The following KIRREL3 variants were observed in gnomAD, a reference collection of about 807,000 sequenced individuals.
The protein encoded by KIRREL3 is kin of IRRE-like protein 3.
A neutral mutation model predicts 89.7 loss-of-function variants in KIRREL3; 36 were observed. That is an observed-to-expected ratio of 0.40 (90% CI 0.31 to 0.53). The LOEUF (loss-of-function observed/expected upper bound fraction) is 0.53. Among genes scored for constraint, KIRREL3 ranks in the 20% least tolerant of loss-of-function variants. The pLI, the probability that KIRREL3 is intolerant of heterozygous loss-of-function variation, is 0.49. For synonymous variants in KIRREL3, 445 were observed against 441.4 expected, an observed-to-expected ratio of 1.01 and a Z score of -0.10; for missense variants, 864 against 1,056.6, an observed-to-expected ratio of 0.82 and a Z score of 2.53.
chr11:126,670,951 A>G (rs534212272), intron 1 of KIRREL3, among the ~76,000 whole-genome samples: 1 of 152,336 alleles, frequency 6.6e-6, no homozygotes, highest in African/African-American at 2.4e-5. Context: ...ACAGTAATCA[A>G]GACAGTATAA....
intron 1 of KIRREL3, among the ~76,000 whole-genome samples, chr11:126,968,896 C>T (rs146140607): frequency 6.6e-6 from 1 of 152,284 alleles, no homozygotes; most frequent in East Asian, 1.9e-4. Flanking sequence ...GACTGTACCT[C>T]TCTGAGACTC....
chr11:126,932,797 C>T (rs1369848325), intron 1 of KIRREL3, among the ~76,000 whole-genome samples: 2 of 152,360 alleles, frequency 1.3e-5, no homozygotes, highest in African/African-American at 2.4e-5. Context: ...TGAGATTTCA[C>T]CTCCTGGCCA....
intron 1 of KIRREL3, among the ~76,000 whole-genome samples, chr11:126,716,179 A>G (rs1207422219): frequency 6.6e-6 from 1 of 151,936 alleles, no homozygotes; most frequent in African/African-American, 2.4e-5. Flanking sequence ...GTAAGGTTAG[A>G]ATAAAGATTT....
intron 1 of KIRREL3, among the ~76,000 whole-genome samples, chr11:126,757,843 C>T (rs1260168204): frequency 6.6e-6 from 1 of 152,190 alleles, no homozygotes; most frequent in Non-Finnish European, 1.5e-5. Context: ...TCTGAAGACT[C>T]AGTTTCCCCA....
intron 1 of KIRREL3, among the ~76,000 whole-genome samples, chr11:126,858,348 C>G (rs1295224887): frequency 1.3e-5 from 2 of 152,282 alleles, no homozygotes; most frequent in South Asian, 4.1e-4. Flanking sequence ...CTTCTTAATA[C>G]ACTAAAGATC....
intron 1 of KIRREL3, among the ~76,000 whole-genome samples, chr11:126,928,057 G>A (rs780611118): frequency 4.3e-4 from 65 of 152,336 alleles, no homozygotes; most frequent in Admixed American, 6.5e-4. Context: ...CCAAGATGGC[G>A]TCTCACAAGG....
Position 126,686,507 on chromosome 11 carries a change from C to T in KIRREL3, c.56-123595G>A, listed in dbSNP as rs1946670880. 6.6e-6 allele frequency among the ~76,000 whole-genome samples: 1 copy of T among 151,188 alleles called. No homozygotes were observed. Among genetic ancestry groups the T allele is most frequent in the African/African-American group, 2.4e-5 (1 of 41,292 alleles). Reference sequence around the variant, plus strand: ...ATGTTCTGATAGGGTCAGTGCTGGCCACTGAGCGGGGAGGGTGGGGAGGGA... The same window carrying T: ...ATGTTCTGATAGGGTCAGTGCTGGCTACTGAGCGGGGAGGGTGGGGAGGGA... On this transcript the variant is annotated intron_variant, in intron 1 of 16. Coordinates refer to ENST00000525144, the MANE Select transcript of KIRREL3 (RefSeq NM_032531.4). The surrounding 1 kb of genome is among the most constrained non-coding windows in gnomAD (Gnocchi z 4.7).
rs1205212495 is a variant in KIRREL3 at position 126,428,554 on chromosome 11, A to G, written c.1806+625T>C. Among the ~76,000 whole-genome samples, 1 of 151,908 alleles carries G rather than the reference A, an allele frequency of 6.6e-6. No individual in the cohort carries two copies. The highest frequency in any genetic ancestry group is 1.9e-4 in the East Asian group (1 of 5,176). ...GTGTGTGTGCGGGGGAGGGGAGGGG[A>G]TTATATGTTATATAACAACATATTG... On this transcript the variant is annotated intron_variant, in intron 15 of 16. Transcript: ENST00000525144. The surrounding 1 kb of genome is among the most constrained non-coding windows in gnomAD (Gnocchi z 6.4).
At chr11:126,964,581 C>T (rs1385942125) in intron 1 of KIRREL3, among the ~76,000 whole-genome samples, 1 of 152,124 alleles carries the variant, frequency 6.6e-6, no homozygotes, top group Non-Finnish European at 1.5e-5. Flanking sequence ...TGCACAAATG[C>T]CCAGGGGTAC....
rs1282662696 is a variant in KIRREL3 at position 126,565,876 on chromosome 11, A to G, written c.56-2964T>C. 1.3e-5 allele frequency among the ~76,000 whole-genome samples: 2 copies of G among 152,096 alleles called. No homozygotes were observed. Among genetic ancestry groups the G allele is most frequent in the Non-Finnish European group, 2.9e-5 (2 of 68,014 alleles). On this transcript the variant is annotated intron_variant, in intron 1 of 16. Transcript: ENST00000525144. The surrounding 1 kb of genome is among the most constrained non-coding windows in gnomAD (Gnocchi z 5.4). ...GCTTTGGCTTGGGGAGACTCTACCA[A>G]GCCAAACTAACTAGGTTATTAGGAG...
At position 126,768,165 on chromosome 11, in the gene KIRREL3, C is replaced by G. The variant is rs1565715322; in HGVS notation, c.56-205253G>C. ...CCATCCATCCATCCATCCATCCATC[C>G]ATCCAATCCATCCATCCATCCATCC... On this transcript the variant is annotated intron_variant, in intron 1 of 16. Coordinates refer to ENST00000525144, the MANE Select transcript of KIRREL3 (RefSeq NM_032531.4). This position sits in a 1 kb window ranked among gnomAD's most constrained non-coding sequence, Gnocchi z 4.5. 8.0e-6 allele frequency among the ~76,000 whole-genome samples: 1 copy of G among 124,734 alleles called. No homozygotes were observed. The highest frequency in any genetic ancestry group is 1.6e-5 in the Non-Finnish European group (1 of 62,224). The allele number at this position is 124,734 out of a possible 152,430, so 81.8% of individuals were successfully genotyped here.
rs765896489 is a variant in KIRREL3, at chr11:126,719,443, C to T, written c.56-156531G>A. 5.3e-5 allele frequency among the ~76,000 whole-genome samples: 8 copies of T among 152,208 alleles called. No individual in the cohort carries two copies. Among genetic ancestry groups the T allele is most frequent in the Non-Finnish European group, 7.3e-5 (5 of 68,032 alleles). Reference sequence around the variant, plus strand: ...AATGTTGGAGGACCTCAGGGCTTCTCCGAGCTGTCTACATTCACTGCCTAG... The same window carrying T: ...AATGTTGGAGGACCTCAGGGCTTCTTCGAGCTGTCTACATTCACTGCCTAG... On this transcript the variant is annotated intron_variant, in intron 1 of 16. Coordinates refer to ENST00000525144, the MANE Select transcript of KIRREL3 (RefSeq NM_032531.4). The surrounding 1 kb of genome is among the most constrained non-coding windows in gnomAD (Gnocchi z 4.7).
At chr11:126,944,074 G>C (rs1325822692) in intron 1 of KIRREL3, among the ~76,000 whole-genome samples, 1 of 152,118 alleles carries the variant, frequency 6.6e-6, no homozygotes, top group Non-Finnish European at 1.5e-5. Context: ...CCTTATCTCT[G>C]AAGATACCAG....
At chr11:126,858,978 C>T (rs1006917779) in intron 1 of KIRREL3, among the ~76,000 whole-genome samples, 5 of 152,122 alleles carry the variant, frequency 3.3e-5, no homozygotes, top group African/African-American at 4.8e-5. Flanking sequence ...AAGTGGCAGC[C>T]GCTGAGGGAT....
intron 1 of KIRREL3, among the ~76,000 whole-genome samples, chr11:126,679,399 G>A (rs1449211541): frequency 6.6e-6 from 1 of 152,198 alleles, no homozygotes; most frequent in Non-Finnish European, 1.5e-5. Context: ...AGCAGCATAT[G>A]CGTGTCCTTT....
chr11:126,532,121 C>A (rs532134950), intron 2 of KIRREL3, among the ~76,000 whole-genome samples: 1 of 152,180 alleles, frequency 6.6e-6, no homozygotes, highest in Non-Finnish European at 1.5e-5. Flanking sequence ...TTGTTTCTGG[C>A]ATGCAGATTA....
At chr11:126,588,126 AT>A (rs1941957378) in intron 1 of KIRREL3, among the ~76,000 whole-genome samples, 1 of 152,184 alleles carries the variant, frequency 6.6e-6, no homozygotes, top group Non-Finnish European at 1.5e-5. Flanking sequence ...AATGGGCTTT[AT>A]TGTTCCCCGG....
chr11:126,454,868 G>A lies in KIRREL3; in HGVS notation c.848+1481C>T, dbSNP rs1018194478. On this transcript the variant is annotated intron_variant, in intron 7 of 16. Coordinates refer to ENST00000525144, the MANE Select transcript of KIRREL3 (RefSeq NM_032531.4). The surrounding 1 kb of genome is among the most constrained non-coding windows in gnomAD (Gnocchi z 5.8). ...AATGGTTAAACTGGACAGGACAAAT[G>A]GGTTTCATCCTATTTAAAAATATCC... 6.6e-6 allele frequency among the ~76,000 whole-genome samples: 1 copy of A among 152,156 alleles called. No homozygotes were observed. Among genetic ancestry groups the A allele is most frequent in the African/African-American group, 2.4e-5 (1 of 41,414 alleles).
intron 1 of KIRREL3, among the ~76,000 whole-genome samples, chr11:126,777,629 C>G (rs1337645128): frequency 1.3e-5 from 2 of 152,146 alleles, no homozygotes; most frequent in African/African-American, 4.8e-5. Flanking sequence ...ACTAGCAGCC[C>G]AAAGCAAGTC....
Sources: gnomAD v4.1 joint callset for allele counts (sites outside exome capture counted in the v4.1 genomes callset) on GRCh38, gnomAD v4.1.1 for gene constraint, Gnocchi (gnomAD v3.1) non-coding constraint, MANE v1.5 for transcripts, NCBI Gene and HGNC (gene_info 2026-07-23, HGNC 2026-07-21) for gene names.